The following ITFG1 variants were observed in gnomAD, a reference collection of about 807,000 sequenced individuals.
ITFG1 encodes the protein integrin alpha FG-GAP repeat containing 1, also known as T-cell immunomodulatory protein.
Under a neutral mutation model 81.8 loss-of-function variants are expected in ITFG1, and 34 were observed. The observed-to-expected ratio is 0.42, with a 90% CI of 0.32 to 0.55. The LOEUF (loss-of-function observed/expected upper bound fraction) is 0.55. Ranked by LOEUF, ITFG1 falls within the 20% of genes least tolerant of loss-of-function variation. The pLI, the probability that ITFG1 is intolerant of heterozygous loss-of-function variation, is 0.17. For missense variants in ITFG1, 672 were observed against 755.4 expected, an observed-to-expected ratio of 0.89 and a Z score of 1.29; for synonymous variants, 285 against 270.6, an observed-to-expected ratio of 1.05 and a Z score of -0.52.
intron 5 of ITFG1, among the ~76,000 whole-genome samples, chr16:47,446,575 C>T (rs981429750): frequency 3.3e-5 from 5 of 152,130 alleles, no homozygotes; most frequent in African/African-American, 1.2e-4. Flanking sequence ...AAAAGAAGCA[C>T]GCGTCCCACA....
At chr16:47,367,417 T>G (rs1011915110) in intron 7 of ITFG1, among the ~76,000 whole-genome samples, 1 of 152,228 alleles carries the variant, frequency 6.6e-6, no homozygotes, top group Non-Finnish European at 1.5e-5. Context: ...CCTCTAATCA[T>G]GTCTTGGTCA....
At chr16:47,207,752 C>A (rs1273138813) in intron 14 of ITFG1, among the ~76,000 whole-genome samples, 1 of 152,190 alleles carries the variant, frequency 6.6e-6, no homozygotes, top group Non-Finnish European at 1.5e-5. Context: ...CGTTAACTCA[C>A]TACCTGGTAT....
At chr16:47,278,552 T>C (rs1377177873) in intron 10 of ITFG1, among the ~76,000 whole-genome samples, 1 of 152,168 alleles carries the variant, frequency 6.6e-6, no homozygotes, top group African/African-American at 2.4e-5. Flanking sequence ...GCAGGCCGAC[T>C]TGTTTCTGCT....
intron 8 of ITFG1, among the ~76,000 whole-genome samples, chr16:47,331,640 T>A (rs28681341): frequency 0.12 from 17,982 of 152,060 alleles, 2,305 homozygotes; most frequent in African/African-American, 0.33. Context: ...CAGATCCTTT[T>A]ATAACCCATA....
At chr16:47,314,800 T>A (rs2151565972) in intron 8 of ITFG1, among the ~76,000 whole-genome samples, 1 of 152,318 alleles carries the variant, frequency 6.6e-6, no homozygotes, top group South Asian at 2.1e-4. Context: ...TTGTATTATT[T>A]AACTCGTGCC....
chr16:47,179,006 G>C (rs1965065266), intron 14 of ITFG1, among the ~76,000 whole-genome samples: 1 of 152,122 alleles, frequency 6.6e-6, no homozygotes, highest in Admixed American at 6.6e-5. Context: ...TCAGAGAAAT[G>C]CAAATCAAAA....
chr16:47,294,624 G>A (rs777567351), intron 10 of ITFG1, among the ~76,000 whole-genome samples: 1 of 152,034 alleles, frequency 6.6e-6, no homozygotes, highest in Non-Finnish European at 1.5e-5. Context: ...TGTAGTCAGT[G>A]TAAATGAAAC....
intron 8 of ITFG1, among the ~76,000 whole-genome samples, chr16:47,359,642 C>T (rs1411078973): frequency 6.6e-6 from 1 of 152,138 alleles, no homozygotes; most frequent in Non-Finnish European, 1.5e-5. Context: ...TACCTTTGTC[C>T]ACAAAGCACT....
chr16:47,419,022 A>G (rs1968908021), intron 6 of ITFG1, among the ~76,000 whole-genome samples: 1 of 152,218 alleles, frequency 6.6e-6, no homozygotes, highest in Admixed American at 6.5e-5. Flanking sequence ...ATGGTCCATG[A>G]GCATGAGATA....
intron 6 of ITFG1, among the ~76,000 whole-genome samples, chr16:47,420,606 T>C (rs995735366): frequency 2.6e-5 from 4 of 152,204 alleles, no homozygotes; most frequent in African/African-American, 9.7e-5. Flanking sequence ...GAGTTCTGTA[T>C]TAATTTCCAT....
At chr16:47,214,688 T>C (rs1965604455) in intron 14 of ITFG1, among the ~76,000 whole-genome samples, 1 of 152,212 alleles carries the variant, frequency 6.6e-6, no homozygotes, top group African/African-American at 2.4e-5. Context: ...CTCTGTAATG[T>C]AACTCTCTAA....
At chr16:47,158,721 T>A (rs1317436467) in intron 17 of ITFG1, 152 bp downstream of exon 17, 10 of 476,262 alleles carry the variant, frequency 2.1e-5, no homozygotes, top group Non-Finnish European at 3.7e-5. Flanking sequence ...GAAATTATCA[T>A]CAATAAAATG....
At chr16:47,172,995 C>G (rs1273416092) in intron 14 of ITFG1, among the ~76,000 whole-genome samples, 1 of 152,172 alleles carries the variant, frequency 6.6e-6, no homozygotes, top group African/African-American at 2.4e-5. Flanking sequence ...CTGGCCTCTT[C>G]ACTGTTCCTT....
At chr16:47,178,808 A>T (rs1324207834) in intron 14 of ITFG1, among the ~76,000 whole-genome samples, 1 of 152,230 alleles carries the variant, frequency 6.6e-6, no homozygotes, top group Non-Finnish European at 1.5e-5. Context: ...AATGGGAGAA[A>T]ATTTTTACAA....
chr16:47,168,676 C>T (rs1964923642), intron 14 of ITFG1, among the ~76,000 whole-genome samples: 1 of 151,736 alleles, frequency 6.6e-6, no homozygotes, highest in Non-Finnish European at 1.5e-5. Flanking sequence ...GCATGAGCCA[C>T]TGCACCTGGC....
intron 5 of ITFG1, among the ~76,000 whole-genome samples, chr16:47,433,203 A>C (rs752546963): frequency 4.6e-5 from 7 of 152,236 alleles, no homozygotes; most frequent in Non-Finnish European, 1.0e-4. Flanking sequence ...TAGAAAAGTG[A>C]TAAATCAGAA....
chr16:47,170,339 T>A (rs1315371265), intron 14 of ITFG1, among the ~76,000 whole-genome samples: 1 of 152,198 alleles, frequency 6.6e-6, no homozygotes, highest in Non-Finnish European at 1.5e-5. Flanking sequence ...AGGTTTTCAA[T>A]TACTGATTCA....
At chr16:47,268,027 A>G (rs1966296873) in intron 10 of ITFG1, among the ~76,000 whole-genome samples, 1 of 152,064 alleles carries the variant, frequency 6.6e-6, no homozygotes, top group Non-Finnish European at 1.5e-5. Flanking sequence ...AAAAAAGTAA[A>G]TAATAGTAGA....
chr16:47,285,675 C>T (rs561780972), intron 10 of ITFG1, among the ~76,000 whole-genome samples: 2 of 152,234 alleles, frequency 1.3e-5, no homozygotes, highest in Non-Finnish European at 2.9e-5. Flanking sequence ...AAACTCCACA[C>T]ATATGGTCAC....
Sources: allele counts gnomAD v4.1 joint callset (sites outside exome capture counted in the v4.1 genomes callset), GRCh38; gene constraint gnomAD v4.1.1; transcripts MANE v1.5; gene names NCBI Gene and HGNC (gene_info 2026-07-23, HGNC 2026-07-21).